The following ENTPD4 variants were observed in gnomAD, a reference collection of about 807,000 sequenced individuals.
The protein encoded by ENTPD4 is Golgi UDPase.
In ENTPD4, 60 loss-of-function variants were observed where a neutral mutation model predicts 79.1. The ratio of observed to expected loss-of-function variants is 0.76; its 90% CI spans 0.62 to 0.94. ENTPD4 has a LOEUF of 0.94. Ranked by LOEUF, ENTPD4 falls within the 40% of genes least tolerant of loss-of-function variation. The pLI, the probability that ENTPD4 is intolerant of heterozygous loss-of-function variation, is 0.00. For synonymous variants in ENTPD4, 276 were observed against 292.0 expected (o/e 0.95, Z 0.56); for missense variants, 772 against 775.1 (o/e 1.00, Z 0.05).
chr8:23,430,316 C>T lies in ENTPD4; in HGVS notation c.*2610G>A. 1 of 985,428 alleles carries T rather than the reference C, an allele frequency of 1.0e-6. No individual in the cohort carries two copies. The highest frequency in any genetic ancestry group is 1.2e-6 in the Non-Finnish European group (1 of 829,932). The allele number at this position is 985,428 out of a possible 1,614,324, so 61.0% of individuals were successfully genotyped here. On this transcript the variant is annotated 3_prime_UTR_variant, in exon 13 of 13. Transcript: ENST00000358689. ...GCAGGTTTCTTGGTTTGTTTCAAAA[C>T]TCATCTTGAAAATAATCTAGACGGA...
chr8:23,444,702 A>T (rs1215763397), intron 4 of ENTPD4, 96 bp from the exon 5 acceptor site: 2 of 1,040,790 alleles, frequency 1.9e-6, no homozygotes, highest in Non-Finnish European at 2.9e-6. Flanking sequence ...ATCATGCTAC[A>T]CATTACACTT....
intron 1 of ENTPD4, among the ~76,000 whole-genome samples, chr8:23,450,972 G>A (rs1041492002): frequency 2.6e-5 from 4 of 151,360 alleles, no homozygotes; most frequent in African/African-American, 9.7e-5. Context: ...CCAGATTCAC[G>A]TGTGATCCCT....
rs371585087 is a variant in ENTPD4 at position 23,439,961 on chromosome 8, G to A, written c.883-46C>T. ...AACCTTAATAGCTTAAGCTACTTTA[G>A]CCTCCTACTAAAAAGAAAAGTCTAA... On this transcript the variant is annotated intron_variant, in intron 8 of 12. Coordinates refer to ENST00000358689, the MANE Select transcript of ENTPD4 (RefSeq NM_004901.5). 14 of 1,538,676 alleles carry A rather than the reference G, an allele frequency of 9.1e-6. No individual in the cohort carries two copies. The African/African-American group carries it at 1.8e-4, about 20-fold the overall frequency.
chr8:23,435,352 GTTC>G (rs1288943631), intron 11 of ENTPD4, 37 bp downstream of exon 11: 2 of 1,458,854 alleles, frequency 1.4e-6, no homozygotes, highest in Non-Finnish European at 1.9e-6. Context: ...CTGCATTATG[GTTC>G]TTAAGAGTGC....
intron 4 of ENTPD4, among the ~76,000 whole-genome samples, chr8:23,446,042 T>A (rs1189959662): frequency 6.6e-6 from 1 of 152,238 alleles, no homozygotes; most frequent in African/African-American, 2.4e-5. Flanking sequence ...TCAATTTCAA[T>A]GCACTCGAAG....
chr8:23,448,702 AAG>A, intron 3 of ENTPD4, 38 bp downstream of exon 3: 1 of 1,530,042 alleles, frequency 6.5e-7, no homozygotes, highest in Non-Finnish European at 9.0e-7. Flanking sequence ...GACAGAAGGT[AAG>A]GCTTCTGGTC....
At position 23,433,010 on chromosome 8, in the gene ENTPD4, G is replaced by A; in HGVS notation, c.1767C>T (p.His589=). Residue 589 remains histidine, a synonymous_variant, in exon 13 of 13, where the codon CAC becomes CAT. Transcript: ENST00000358689. ...LLYLLRLRRI[H]RRTPRSSSAA... ...CCGAGCTGCTCCGGGGAGTGCGCCTGTGGATGCGCCGCAGCCGCAGCAGGT... is the reference window on the plus strand; with the variant it reads ...CCGAGCTGCTCCGGGGAGTGCGCCTATGGATGCGCCGCAGCCGCAGCAGGT... 2 of 1,614,064 alleles carry A rather than the reference G, an allele frequency of 1.2e-6. No individual in the cohort carries two copies. The highest frequency in any genetic ancestry group is 1.7e-6 in the Non-Finnish European group (2 of 1,179,972).
At chr8:23,436,140 T>A (rs1299706967) in intron 10 of ENTPD4, among the ~76,000 whole-genome samples, 1 of 152,144 alleles carries the variant, frequency 6.6e-6, no homozygotes, top group Non-Finnish European at 1.5e-5. Context: ...AACATGGACA[T>A]GGACACAGAG....
intron 1 of ENTPD4, among the ~76,000 whole-genome samples, chr8:23,454,037 A>G (rs1800910758): frequency 6.6e-6 from 1 of 152,220 alleles, no homozygotes; most frequent in African/African-American, 2.4e-5. Flanking sequence ...CCAAAATATT[A>G]ACAGTGCTTA....
intron 8 of ENTPD4, among the ~76,000 whole-genome samples, chr8:23,441,138 A>G (rs1398096243): frequency 6.6e-6 from 1 of 152,234 alleles, no homozygotes; most frequent in Non-Finnish European, 1.5e-5. Context: ...CCACCAGTTG[A>G]AAGATGTGGA....
chr8:23,434,264 G>GT (rs765037626), intron 12 of ENTPD4, 53 bp downstream of exon 12: 25 of 1,601,346 alleles, frequency 1.6e-5, no homozygotes, highest in Non-Finnish European at 2.0e-5. Context: ...ATGAGGTGCT[G>GT]TAACTGCAGA....
chr8:23,434,057 T>G, intron 12 of ENTPD4: 1 of 448,868 alleles, frequency 2.2e-6, no homozygotes, highest in Non-Finnish European at 4.0e-6. Context: ...TTGCCGGGGC[T>G]GGGGAACAGA....
In ENTPD4 at chr8:23,447,684, T is replaced by C; in HGVS notation, c.408A>G (p.Lys136=). Residue 136 remains lysine, a synonymous_variant, in exon 4 of 13, where the codon AAA becomes AAG. Coordinates refer to ENST00000358689, the MANE Select transcript of ENTPD4 (RefSeq NM_004901.5). ...CAGATGTTCTCATTTACATACCCGG[T>C]TTTATCTTCATGACCACTGGCTTTC... ...KNRKPVVMKI[K]PGISEFATSP... 1 of 1,613,356 alleles carries C rather than the reference T, an allele frequency of 6.2e-7. No homozygotes were observed. Among genetic ancestry groups the C allele is most frequent in the Non-Finnish European group, 8.5e-7 (1 of 1,179,282 alleles).
Position 23,439,800 on chromosome 8 carries a change from G to A in ENTPD4, c.998C>T (p.Ala333Val). 6.2e-7 allele frequency: 1 copy of A among 1,614,156 alleles called. No individual in the cohort carries two copies. Among genetic ancestry groups the A allele is most frequent in the Non-Finnish European group, 8.5e-7 (1 of 1,180,018 alleles). Residue 333 changes from alanine to valine, a missense_variant, in exon 9 of 13, where the codon GCT becomes GTT. Ala to Val is a moderately conservative substitution (Grantham distance 64). Coordinates refer to ENST00000358689, the MANE Select transcript of ENTPD4 (RefSeq NM_004901.5). ...TATTCTGTCTTCGTATCTCTGTCGA[G>A]CAGCATTGCCACCAAACCCAAGAAA... ...ATFLGFGGNA[A>V]RQRYEDRIFA... is the part of the protein sequence containing the mutation.
At chr8:23,449,814 T>C in intron 2 of ENTPD4, 79 bp downstream of exon 2, 1 of 1,269,492 alleles carries the variant, frequency 7.9e-7, no homozygotes, top group East Asian at 2.3e-5. Context: ...TCACTTGCGA[T>C]TTAGATTTTT....
intron 1 of ENTPD4, among the ~76,000 whole-genome samples, chr8:23,457,197 A>AG (rs1800973334): frequency 6.6e-6 from 1 of 152,232 alleles, no homozygotes; most frequent in African/African-American, 2.4e-5. Flanking sequence ...AGCGGCAGGC[A>AG]GGGCCGGCTG....
intron 9 of ENTPD4, among the ~76,000 whole-genome samples, chr8:23,439,142 T>C (rs1345968130): frequency 6.6e-6 from 1 of 152,234 alleles, no homozygotes; most frequent in East Asian, 1.9e-4. Context: ...TTTAAACCAA[T>C]AGAGTGCTGT....
Position 23,433,100 on chromosome 8 carries a change from G to A in ENTPD4, c.1677C>T (p.Ser559=), listed in dbSNP as rs762950631. ...AGAACAGGTAGTGGTTGTAGACAAA[G>A]GAAACGCCCCGCCAGTGGGTGTGAC... ...RASHTHWRGV[S]FVYNHYLFSG... Residue 559 remains serine (S), a synonymous_variant, in exon 13 of 13, where the codon TCC becomes TCT. Transcript: ENST00000358689. 1.2e-5 allele frequency: 19 copies of A among 1,614,184 alleles called. No individual in the cohort carries two copies. In the East Asian group the frequency reaches 3.6e-4, roughly 30 times the overall value.
chr8:23,453,619 T>C (rs77998790), intron 1 of ENTPD4, among the ~76,000 whole-genome samples: 2,447 of 152,252 alleles, frequency 0.016, 64 homozygotes, highest in African/African-American at 0.05. Context: ...TTGACAGACA[T>C]GAAGGCCTGG....
Sources: gnomAD v4.1 joint callset for allele counts (sites outside exome capture counted in the v4.1 genomes callset) on GRCh38, gnomAD v4.1.1 for gene constraint, MANE v1.5 for transcripts, NCBI Gene and HGNC (gene_info 2026-07-23, HGNC 2026-07-21) for gene names.